Variants in MBD5 observed in about 807,000 individuals in gnomAD.
MBD5 encodes methyl-CpG-binding domain protein 5.
Under a neutral mutation model 117.3 loss-of-function variants are expected in MBD5, and 13 were observed. That is an observed-to-expected ratio of 0.11 (90% CI 0.07 to 0.18). The LOEUF (loss-of-function observed/expected upper bound fraction) is 0.18. MBD5 is among the 10% of genes least tolerant of loss of function. MBD5 has a pLI of 1.00. For synonymous variants in MBD5, 727 were observed against 766.4 expected (o/e 0.95, Z 0.85); for missense variants, 1,879 against 2,093.8 (o/e 0.90, Z 2.00).
At position 148,038,830 on chromosome 2, in the gene MBD5, G is replaced by A. The variant is rs184263692; in HGVS notation, c.-925+17146G>A. On this transcript the variant is annotated intron_variant, in intron 1 of 13. Coordinates refer to ENST00000642680, the MANE Select transcript of MBD5 (RefSeq NM_001378120.1). ...ACTGTTTAAATTATACCAGGTTAAC[G>A]AAGGGTTTGATTTTTGTTTCAAAAA... Among the ~76,000 whole-genome samples the A allele has an allele frequency of 7.1e-3, 1,078 of 151,840 alleles. 7 individuals carry two copies. The highest frequency in any genetic ancestry group is 0.011 in the Admixed American group (173 of 15,234).
At chr2:148,210,768 TTTA>T (rs965419567) in intron 2 of MBD5, among the ~76,000 whole-genome samples, 1 of 152,148 alleles carries the variant, frequency 6.6e-6, no homozygotes, top group Non-Finnish European at 1.5e-5. Flanking sequence ...ATCTTGTTAA[TTTA>T]TTTTCTATGA....
chr2:148,252,877 T>C (rs1700498957), intron 3 of MBD5, among the ~76,000 whole-genome samples: 1 of 152,182 alleles, frequency 6.6e-6, no homozygotes, highest in African/African-American at 2.4e-5. Flanking sequence ...TTAACAAATA[T>C]CTAGCCATGA....
rs1682317918 is a variant in MBD5, at chr2:148,515,104, T to C, written c.*2163T>C. 1 of 151,934 alleles carries C rather than the reference T, an allele frequency of 6.6e-6. No homozygotes were observed. Among genetic ancestry groups the C allele is most frequent in the African/African-American group, 2.4e-5 (1 of 41,430 alleles). The allele number at this position is 151,934 out of a possible 1,614,324, so 9.4% of individuals were successfully genotyped here. A position where few individuals can be genotyped will look rare whatever the true frequency, so the allele number is the denominator to read the frequency against. ...CATTTTTTTTGCACCAACCTGTTTT[T>C]CTACTGTTTTTTCCTACACATTTTT... On this transcript the variant is annotated 3_prime_UTR_variant, in exon 14 of 14. Coordinates refer to ENST00000642680, the MANE Select transcript of MBD5 (RefSeq NM_001378120.1).
chr2:148,269,102 G>A (rs1452454955), intron 3 of MBD5, among the ~76,000 whole-genome samples: 2 of 151,914 alleles, frequency 1.3e-5, no homozygotes, highest in Non-Finnish European at 1.5e-5. Context: ...ATCATTGAAA[G>A]TATTGAAATA....
chr2:148,129,395 T>C (rs1696981326), intron 1 of MBD5, among the ~76,000 whole-genome samples: 1 of 152,092 alleles, frequency 6.6e-6, no homozygotes, highest in East Asian at 1.9e-4. Context: ...CTCGGGAGGC[T>C]GAGGCAGGAG....
At chr2:148,377,011 T>C (rs1444282634) in intron 4 of MBD5, among the ~76,000 whole-genome samples, 1 of 149,920 alleles carries the variant, frequency 6.7e-6, no homozygotes, top group African/African-American at 2.5e-5. Flanking sequence ...GATATATATA[T>C]ATATGGGATA....
intron 2 of MBD5, among the ~76,000 whole-genome samples, chr2:148,217,688 A>C (rs1699589454): frequency 6.6e-6 from 1 of 152,090 alleles, no homozygotes; most frequent in South Asian, 2.1e-4. Context: ...ATTCTGTATG[A>C]CTGGGGCGTA....
intron 4 of MBD5, among the ~76,000 whole-genome samples, chr2:148,373,187 T>G (rs1703902626): frequency 6.6e-6 from 1 of 152,178 alleles, no homozygotes; most frequent in Non-Finnish European, 1.5e-5. Flanking sequence ...GGCCTGTTTT[T>G]GAATAGGTTT....
intron 4 of MBD5, among the ~76,000 whole-genome samples, chr2:148,385,653 A>G (rs1704328599): frequency 6.6e-6 from 1 of 151,928 alleles, no homozygotes; most frequent in African/African-American, 2.4e-5. Context: ...ATAAAGACAC[A>G]TGCACACGTA....
intron 5 of MBD5, among the ~76,000 whole-genome samples, chr2:148,459,980 A>G (rs922422683): frequency 1.3e-5 from 2 of 152,200 alleles, no homozygotes; most frequent in African/African-American, 4.8e-5. Flanking sequence ...AGCTCATCCC[A>G]TGGTAGATGA....
intron 1 of MBD5, among the ~76,000 whole-genome samples, chr2:148,085,493 G>A (rs1186758492): frequency 2.6e-5 from 4 of 151,984 alleles, no homozygotes; most frequent in African/African-American, 9.7e-5. Flanking sequence ...GGGAGGCCAA[G>A]GCGGGCGGAT....
chr2:148,380,359 C>T (rs1490083344), intron 4 of MBD5, among the ~76,000 whole-genome samples: 1 of 152,058 alleles, frequency 6.6e-6, no homozygotes, highest in Non-Finnish European at 1.5e-5. Flanking sequence ...TAATCATTTA[C>T]AAAAAGTGCC....
chr2:148,175,053 A>T (rs989695795), intron 1 of MBD5, among the ~76,000 whole-genome samples: 2 of 152,182 alleles, frequency 1.3e-5, no homozygotes, highest in African/African-American at 4.8e-5. Context: ...AACTAAGATG[A>T]TGAATGGATA....
chr2:148,470,787 G>A (rs891480149), intron 8 of MBD5: 8 of 354,034 alleles, frequency 2.3e-5, no homozygotes, highest in African/African-American at 1.7e-4. Context: ...CCTGGTTTGT[G>A]AGACATGTCC....
intron 1 of MBD5, among the ~76,000 whole-genome samples, chr2:148,116,535 G>A (rs1271267268): frequency 6.6e-6 from 1 of 152,186 alleles, no homozygotes; most frequent in Admixed American, 6.5e-5. Context: ...TCAGGATGTG[G>A]AGGAATTCTG....
At chr2:148,390,677 G>A (rs1419899587) in intron 4 of MBD5, among the ~76,000 whole-genome samples, 1 of 151,796 alleles carries the variant, frequency 6.6e-6, no homozygotes, top group Non-Finnish European at 1.5e-5. Context: ...CTGGGCTCAA[G>A]TGATCCTCCC....
intron 3 of MBD5, among the ~76,000 whole-genome samples, chr2:148,257,952 A>G (rs1346379963): frequency 6.6e-6 from 1 of 152,290 alleles, no homozygotes; most frequent in East Asian, 1.9e-4. Context: ...TCAGTTCCCA[A>G]TAGTCCACCA....
In MBD5 at chr2:148,514,691, G is replaced by A. The variant is rs1574510960; in HGVS notation, c.*1750G>A. 1 of 152,370 alleles carries A rather than the reference G, an allele frequency of 6.6e-6. No homozygotes were observed. The highest frequency in any genetic ancestry group is 1.5e-5 in the Non-Finnish European group (1 of 68,118). The allele number at this position is 152,370 out of a possible 1,614,324, so 9.4% of individuals were successfully genotyped here. On this transcript the variant is annotated 3_prime_UTR_variant, in exon 14 of 14. Transcript: ENST00000642680. ...CTCCTCAGTCCTGTCATGTAGCAGAGTTCCAGTAACTCAGGAAAATGGAGA... is the reference window on the plus strand; with the variant it reads ...CTCCTCAGTCCTGTCATGTAGCAGAATTCCAGTAACTCAGGAAAATGGAGA...
intron 1 of MBD5, among the ~76,000 whole-genome samples, chr2:148,048,019 A>G (rs1160515659): frequency 6.6e-6 from 1 of 152,202 alleles, no homozygotes; most frequent in Non-Finnish European, 1.5e-5. Flanking sequence ...GTCTTGAAAC[A>G]ATCCTCTTAT....
Sources: gnomAD v4.1 joint callset for allele counts (sites outside exome capture counted in the v4.1 genomes callset) on GRCh38, gnomAD v4.1.1 for gene constraint, MANE v1.5 for transcripts, NCBI Gene and HGNC (gene_info 2026-07-23, HGNC 2026-07-21) for gene names.